Variants in PLD1 observed in about 807,000 individuals in gnomAD.
The protein encoded by PLD1 is choline phosphatase 1.
A neutral mutation model predicts 137.1 loss-of-function variants in PLD1; 112 were observed. That is an observed-to-expected ratio of 0.82 (90% CI 0.70 to 0.96). The LOEUF is 0.96. Ranked by LOEUF, PLD1 falls within the 40% of genes least tolerant of loss-of-function variation. The pLI, the probability that PLD1 is intolerant of heterozygous loss-of-function variation, is 0.00. For missense variants in PLD1, 1,321 were observed against 1,342.0 expected (o/e 0.98, Z 0.24); for synonymous variants, 431 against 454.7 (o/e 0.95, Z 0.66).
At chr3:171,807,910 C>T (rs1723918671) in intron 1 of PLD1, among the ~76,000 whole-genome samples, 1 of 152,200 alleles carries the variant, frequency 6.6e-6, no homozygotes, top group Admixed American at 6.5e-5. Flanking sequence ...GTAACACAAT[C>T]GTGTCCTTTG....
chr3:171,766,919 T>C (rs2108322793), intron 1 of PLD1, among the ~76,000 whole-genome samples: 1 of 152,340 alleles, frequency 6.6e-6, no homozygotes, highest in South Asian at 2.1e-4. Context: ...TTTAGCCAAA[T>C]TGGGTAGAAG....
At chr3:171,618,769 C>T (rs953357761) in intron 24 of PLD1, among the ~76,000 whole-genome samples, 2 of 143,694 alleles carry the variant, frequency 1.4e-5, no homozygotes, top group African/African-American at 2.6e-5. Context: ...TCTCACCATA[C>T]TGTGGTTTAC....
rs780700956 is a variant in PLD1 at position 171,708,799 on chromosome 3, A to G, written c.1101T>C (p.Asn367=). Reference sequence around the variant, plus strand: ...TCTCTTCATTTGCCTCTTCCATTGCATTTGCCACATCTTCAAAATATCCTT... The same window carrying G: ...TCTCTTCATTTGCCTCTTCCATTGCGTTTGCCACATCTTCAAAATATCCTT... The part of the protein sequence containing the change: ...NAKGYFEDVA[N]AMEEANEEIF... Residue 367 remains asparagine, a synonymous_variant, in exon 11 of 27, where the codon AAT becomes AAC. Transcript: ENST00000351298. The G allele has an allele frequency of 1.2e-6, 2 of 1,602,042 alleles. No individual in the cohort carries two copies. Among genetic ancestry groups the G allele is most frequent in the Admixed American group, 1.7e-5 (1 of 60,002 alleles).
At chr3:171,731,192 T>G (rs542663771) in intron 6 of PLD1, among the ~76,000 whole-genome samples, 1 of 152,344 alleles carries the variant, frequency 6.6e-6, no homozygotes, top group South Asian at 2.1e-4. Flanking sequence ...TTTATACTTA[T>G]AAAAGTATAA....
chr3:171,618,682 T>C (rs2108288113), intron 24 of PLD1, among the ~76,000 whole-genome samples: 1 of 152,070 alleles, frequency 6.6e-6, no homozygotes, highest in Admixed American at 6.5e-5. Context: ...AAAAGAACAG[T>C]ATTTTTTAAA....
At chr3:171,735,389 G>T in intron 4 of PLD1, 103 bp downstream of exon 4, 1 of 933,726 alleles carries the variant, frequency 1.1e-6, no homozygotes, top group Non-Finnish European at 1.7e-6. Context: ...TCCTGCCTCA[G>T]CCTCCCAAAG....
intron 19 of PLD1, among the ~76,000 whole-genome samples, chr3:171,668,279 A>G (rs1445020965): frequency 6.6e-5 from 10 of 152,224 alleles, no homozygotes; most frequent in South Asian, 2.1e-4. Flanking sequence ...TGGCCCATAC[A>G]TGGAAAACAA....
At chr3:171,777,230 C>A (rs1402883470) in intron 1 of PLD1, among the ~76,000 whole-genome samples, 2 of 152,186 alleles carry the variant, frequency 1.3e-5, no homozygotes, top group Non-Finnish European at 2.9e-5. Context: ...TAATCAGTCA[C>A]CTAAAAACTA....
chr3:171,725,399 C>T (rs1351302222), intron 7 of PLD1, among the ~76,000 whole-genome samples: 1 of 152,146 alleles, frequency 6.6e-6, no homozygotes, highest in Admixed American at 6.5e-5. Flanking sequence ...CTAGTTGAGC[C>T]ATGCCAAAGG....
chr3:171,751,171 A>G lies in PLD1; in HGVS notation c.-31-13089T>C, dbSNP rs143696060. 4.5e-3 allele frequency among the ~76,000 whole-genome samples: 685 copies of G among 152,346 alleles called. 3 individuals are homozygous for G. The highest frequency in any genetic ancestry group is 0.016 in the African/African-American group (657 of 41,592). ...CTCCAATAAGAATAGTTTCCATATT[A>G]TAGTCCCAAATATGAACAACAAATA... On this transcript the variant is annotated intron_variant, in intron 1 of 26. Coordinates refer to ENST00000351298, the MANE Select transcript of PLD1 (RefSeq NM_002662.5).
intron 1 of PLD1, among the ~76,000 whole-genome samples, chr3:171,745,855 G>A (rs571346203): frequency 2.6e-5 from 4 of 152,192 alleles, no homozygotes; most frequent in South Asian, 2.1e-4. Context: ...GCGGAGGCCA[G>A]AGCCAACTCC....
At chr3:171,627,592 T>C (rs1372910140) in intron 23 of PLD1, among the ~76,000 whole-genome samples, 3 of 152,118 alleles carry the variant, frequency 2.0e-5, no homozygotes, top group Non-Finnish European at 4.4e-5. Flanking sequence ...TATTCCAAAA[T>C]TGACCACATA....
intron 1 of PLD1, chr3:171,792,360 C>T (rs771751663): frequency 4.0e-5 from 14 of 346,654 alleles, no homozygotes; most frequent in Non-Finnish European, 6.9e-5. Flanking sequence ...TTATCTATTC[C>T]ACCTTATTTC....
intron 25 of PLD1, 42 bp from the exon 26 acceptor site, chr3:171,605,458 G>T (rs752514796): frequency 4.8e-6 from 5 of 1,046,148 alleles, no homozygotes; most frequent in Non-Finnish European, 7.6e-6. Context: ...CTGAGATAAA[G>T]CAGTTTGTTG....
At chr3:171,669,361 G>A (rs986581798) in intron 19 of PLD1, among the ~76,000 whole-genome samples, 6 of 151,626 alleles carry the variant, frequency 4.0e-5, no homozygotes, top group Non-Finnish European at 5.9e-5. Context: ...GAACAAGCTT[G>A]GTGACCTACC....
chr3:171,738,873 A>G (rs904543529), intron 1 of PLD1, among the ~76,000 whole-genome samples: 1 of 152,356 alleles, frequency 6.6e-6, no homozygotes, highest in South Asian at 2.1e-4. Flanking sequence ...TTGAGATTCA[A>G]GCTTTGCACA....
intron 1 of PLD1, among the ~76,000 whole-genome samples, chr3:171,801,405 C>T (rs947535628): frequency 2.0e-5 from 3 of 152,294 alleles, no homozygotes; most frequent in South Asian, 2.1e-4. Flanking sequence ...ATCCAACATG[C>T]GTTTCTGGCA....
At chr3:171,651,736 T>C (rs1441435323) in intron 21 of PLD1, among the ~76,000 whole-genome samples, 2 of 151,504 alleles carry the variant, frequency 1.3e-5, no homozygotes, top group African/African-American at 4.9e-5. Flanking sequence ...TGATAGTCTT[T>C]GGCAAGCCTA....
At chr3:171,672,414 C>T (rs1299069260) in intron 19 of PLD1, among the ~76,000 whole-genome samples, 1 of 152,132 alleles carries the variant, frequency 6.6e-6, no homozygotes, top group East Asian at 1.9e-4. Flanking sequence ...TTCTTGAGTC[C>T]AGGCCACCTG....
Sources: allele counts gnomAD v4.1 joint callset (sites outside exome capture counted in the v4.1 genomes callset), GRCh38; gene constraint gnomAD v4.1.1; transcripts MANE v1.5; gene names NCBI Gene and HGNC (gene_info 2026-07-23, HGNC 2026-07-21).